CDH12: variants seen among roughly 807,000 people sequenced by gnomAD.
The protein encoded by CDH12 is cadherin 12, also known as cadherin-12.
CDH12 carries 41 observed loss-of-function variants against 74.1 expected under a neutral mutation model. The observed-to-expected ratio is 0.55, with a 90% CI of 0.43 to 0.72. CDH12 has a LOEUF of 0.72. CDH12 is among the 30% of genes least tolerant of loss of function. CDH12 has a pLI of 0.00. For synonymous variants in CDH12, 399 were observed against 355.0 expected, an observed-to-expected ratio of 1.12 and a Z score of -1.39; for missense variants, 945 against 977.2, an observed-to-expected ratio of 0.97 and a Z score of 0.44.
At chr5:22,108,012 T>C (rs1336333449) in intron 4 of CDH12, among the ~76,000 whole-genome samples, 1 of 152,192 alleles carries the variant, frequency 6.6e-6, no homozygotes, top group Non-Finnish European at 1.5e-5. Flanking sequence ...TGAGCAATAT[T>C]TTTAACAAAT....
At chr5:22,392,904 C>T (rs553945361) in intron 3 of CDH12, among the ~76,000 whole-genome samples, 9 of 152,082 alleles carry the variant, frequency 5.9e-5, no homozygotes, top group Non-Finnish European at 1.3e-4. Context: ...CTCAACCACC[C>T]CTAGTCATTA....
intron 1 of CDH12, among the ~76,000 whole-genome samples, chr5:22,773,984 C>T (rs1195345920): frequency 3.3e-5 from 5 of 151,980 alleles, no homozygotes; most frequent in East Asian, 1.9e-4. Context: ...TGTCAAAAAA[C>T]AACATATACT....
At chr5:22,223,654 T>C (rs1320751467) in intron 3 of CDH12, among the ~76,000 whole-genome samples, 1 of 152,018 alleles carries the variant, frequency 6.6e-6, no homozygotes. Flanking sequence ...TAGAGTAGGA[T>C]TGGCCCACCT....
intron 3 of CDH12, among the ~76,000 whole-genome samples, chr5:22,230,473 A>ATTTTTT (rs35066570): frequency 5.4e-4 from 72 of 133,610 alleles, no homozygotes; most frequent in African/African-American, 1.9e-3. Flanking sequence ...AGATGTCATA[A>ATTTTTT]TTTTTTTTTT....
chr5:22,708,895 G>A (rs930947820), intron 1 of CDH12, among the ~76,000 whole-genome samples: 5 of 152,144 alleles, frequency 3.3e-5, no homozygotes, highest in African/African-American at 7.2e-5. Context: ...GAAGTTAGAT[G>A]CCACCGGCCA....
intron 1 of CDH12, among the ~76,000 whole-genome samples, chr5:22,756,028 G>GA: frequency 7.7e-6 from 1 of 130,294 alleles, no homozygotes; most frequent in East Asian, 2.4e-4. Flanking sequence ...AATCTCCCCT[G>GA]AAAAATTCCT....
At chr5:22,684,385 C>T (rs1205654073) in intron 1 of CDH12, among the ~76,000 whole-genome samples, 1 of 152,066 alleles carries the variant, frequency 6.6e-6, no homozygotes. Flanking sequence ...TGGATTTTGA[C>T]TATCAAATTT....
At chr5:22,342,836 TTCTGTCTGTCTG>T (rs376667284) in intron 3 of CDH12, among the ~76,000 whole-genome samples, 6 of 148,106 alleles carry the variant, frequency 4.1e-5, no homozygotes, top group African/African-American at 7.6e-5. Context: ...CTGTCTCTCT[TTCTGTCTGTCTG>T]TCTGTCTGTC....
chr5:22,295,774 C>T (rs1046464342), intron 3 of CDH12, among the ~76,000 whole-genome samples: 1 of 151,922 alleles, frequency 6.6e-6, no homozygotes, highest in Non-Finnish European at 1.5e-5. Context: ...GTAGTATAGG[C>T]TATATGAAAT....
intron 3 of CDH12, among the ~76,000 whole-genome samples, chr5:22,350,186 A>G (rs553967202): frequency 1.8e-4 from 28 of 152,346 alleles, no homozygotes; most frequent in Non-Finnish European, 2.5e-4. Flanking sequence ...ATTAACTAGA[A>G]TTCTGATTTT....
At chr5:21,996,105 GTTTTTTTTTTTTT>G (rs61516659) in intron 5 of CDH12, among the ~76,000 whole-genome samples, 18 of 113,552 alleles carry the variant, frequency 1.6e-4, no homozygotes, top group Non-Finnish European at 2.9e-4. Flanking sequence ...TCACACACAC[GTTTTTTTTTTTTT>G]TTTTTTTTTT....
At chr5:22,815,926 A>G (rs1425067036) in intron 1 of CDH12, among the ~76,000 whole-genome samples, 3 of 152,058 alleles carry the variant, frequency 2.0e-5, no homozygotes, top group South Asian at 2.1e-4. Flanking sequence ...AAAATTAATT[A>G]TGTTCTAGGT....
At chr5:22,773,918 A>T (rs1746951797) in intron 1 of CDH12, among the ~76,000 whole-genome samples, 1 of 152,184 alleles carries the variant, frequency 6.6e-6, no homozygotes, top group Admixed American at 6.6e-5. Context: ...AGAAATGCAA[A>T]TCAAAACTAC....
At chr5:22,407,141 G>T (rs907333058) in intron 2 of CDH12, among the ~76,000 whole-genome samples, 2 of 151,894 alleles carry the variant, frequency 1.3e-5, no homozygotes, top group African/African-American at 4.8e-5. Flanking sequence ...ATTATATCCA[G>T]CAGCCTATTC....
At chr5:22,320,777 A>G (rs967770493) in intron 3 of CDH12, among the ~76,000 whole-genome samples, 2 of 152,216 alleles carry the variant, frequency 1.3e-5, no homozygotes, top group Non-Finnish European at 2.9e-5. Flanking sequence ...CTCTTAAAAA[A>G]CAAAGGTTTA....
chr5:22,796,368 A>G (rs1225929763), intron 1 of CDH12, among the ~76,000 whole-genome samples: 1 of 152,052 alleles, frequency 6.6e-6, no homozygotes, highest in Non-Finnish European at 1.5e-5. Flanking sequence ...CTTTTTCATA[A>G]TATCCATTCT....
chr5:21,935,389 G>C (rs1755031185), intron 6 of CDH12, among the ~76,000 whole-genome samples: 1 of 152,230 alleles, frequency 6.6e-6, no homozygotes, highest in Non-Finnish European at 1.5e-5. Context: ...GCATAGCCAA[G>C]GAAGAAATGA....
chr5:22,511,826 T>A (rs1736623048), intron 1 of CDH12, among the ~76,000 whole-genome samples: 1 of 152,216 alleles, frequency 6.6e-6, no homozygotes, highest in Admixed American at 6.5e-5. Context: ...TTGAAAAGCA[T>A]TTCAGTTATG....
intron 6 of CDH12, among the ~76,000 whole-genome samples, chr5:21,859,854 G>A (rs1396242024): frequency 6.6e-6 from 1 of 151,952 alleles, no homozygotes; most frequent in Non-Finnish European, 1.5e-5. Flanking sequence ...CACGATGGAG[G>A]TAAAGAAGAG....
Sources: allele counts gnomAD v4.1 joint callset (sites outside exome capture counted in the v4.1 genomes callset), GRCh38; gene constraint gnomAD v4.1.1; transcripts MANE v1.5; gene names NCBI Gene and HGNC (gene_info 2026-07-23, HGNC 2026-07-21).